Variants in BMPR1B observed in about 807,000 individuals in gnomAD.
BMPR1B encodes bone morphogenetic protein receptor type-1B.
Under a neutral mutation model 59.1 loss-of-function variants are expected in BMPR1B, and 12 were observed. That is an observed-to-expected ratio of 0.20 (90% CI 0.13 to 0.33). The LOEUF is 0.33. Ranked by LOEUF, BMPR1B falls within the 10% of genes least tolerant of loss-of-function variation. The pLI, the probability that BMPR1B is intolerant of heterozygous loss-of-function variation, is 1.00. For missense variants in BMPR1B, 550 were observed against 610.9 expected, an observed-to-expected ratio of 0.90 and a Z score of 1.05; for synonymous variants, 237 against 207.3, an observed-to-expected ratio of 1.14 and a Z score of -1.23.
intron 1 of BMPR1B, among the ~76,000 whole-genome samples, chr4:94,840,836 G>C (rs1392628957): frequency 6.7e-6 from 1 of 148,496 alleles, no homozygotes; most frequent in African/African-American, 2.5e-5. Flanking sequence ...GAGGAGAGGC[G>C]CTCTGCTTTT....
chr4:95,087,559 C>T (rs562494650), intron 3 of BMPR1B, among the ~76,000 whole-genome samples: 5 of 151,998 alleles, frequency 3.3e-5, no homozygotes, highest in Admixed American at 1.3e-4. Flanking sequence ...GGCGAAATGC[C>T]GTCTCTACAA....
At chr4:94,803,409 T>C (rs1035522373) in intron 1 of BMPR1B, among the ~76,000 whole-genome samples, 2 of 152,162 alleles carry the variant, frequency 1.3e-5, no homozygotes, top group Non-Finnish European at 2.9e-5. Flanking sequence ...CCCCCAGTGT[T>C]AGGGGTAGCC....
intron 11 of BMPR1B, among the ~76,000 whole-genome samples, chr4:95,149,921 A>C (rs975737240): frequency 2.0e-5 from 3 of 152,218 alleles, no homozygotes; most frequent in Non-Finnish European, 4.4e-5. Context: ...TATGGTTTCA[A>C]TGTAAAGATA....
intron 1 of BMPR1B, among the ~76,000 whole-genome samples, chr4:94,768,037 TA>T (rs36055467): frequency 1.7e-4 from 25 of 146,656 alleles, no homozygotes; most frequent in Middle Eastern, 3.5e-3. Flanking sequence ...TGACACTTAC[TA>T]AAAAAAAAAG....
chr4:94,961,073 G>A (rs1437280134), intron 2 of BMPR1B, among the ~76,000 whole-genome samples: 19 of 151,982 alleles, frequency 1.3e-4, no homozygotes, highest in Admixed American at 1.2e-3. Context: ...GTTATCTGTG[G>A]ATTTTGTTTA....
chr4:95,044,607 C>T (rs1578983372), intron 3 of BMPR1B, among the ~76,000 whole-genome samples: 1 of 152,132 alleles, frequency 6.6e-6, no homozygotes. Flanking sequence ...AGGACCTTGG[C>T]AGAGCAATGA....
At position 95,023,353 on chromosome 4, in the gene BMPR1B, C is replaced by T. The variant is rs539704041; in HGVS notation, c.-18+27219C>T. 6.6e-5 allele frequency among the ~76,000 whole-genome samples: 10 copies of T among 152,228 alleles called. No individual in the cohort carries two copies. The East Asian group carries it at 1.9e-3, about 29-fold the overall frequency. On this transcript the variant is annotated intron_variant, in intron 3 of 12. Coordinates refer to ENST00000515059, the MANE Select transcript of BMPR1B (RefSeq NM_001203.3). ...ATTTCAGATCTAGCAGCAATGATGGCAAACCTTTAAGACTCATTTCTTTTA... is the reference window on the plus strand; with the variant it reads ...ATTTCAGATCTAGCAGCAATGATGGTAAACCTTTAAGACTCATTTCTTTTA...
chr4:95,146,625 T>G (rs2149322938), intron 10 of BMPR1B, among the ~76,000 whole-genome samples: 1 of 152,362 alleles, frequency 6.6e-6, no homozygotes, highest in South Asian at 2.1e-4. Flanking sequence ...AGTGGAGGTC[T>G]TTAACCATCT....
intron 3 of BMPR1B, among the ~76,000 whole-genome samples, chr4:95,076,527 T>C (rs1332925908): frequency 2.6e-5 from 4 of 152,058 alleles, no homozygotes; most frequent in African/African-American, 9.7e-5. Context: ...AGGCAAACTG[T>C]TCTAGGTACT....
chr4:95,097,058 T>C (rs984742566), intron 3 of BMPR1B, among the ~76,000 whole-genome samples: 1 of 145,628 alleles, frequency 6.9e-6, no homozygotes. Context: ...TAACTGTATA[T>C]AGTTATATAT....
chr4:95,148,562 G>A (rs890910045), intron 10 of BMPR1B, among the ~76,000 whole-genome samples, 186 bp from the exon 11 acceptor site: 5 of 151,940 alleles, frequency 3.3e-5, no homozygotes, highest in Non-Finnish European at 7.4e-5. Flanking sequence ...CCTTTCATTG[G>A]CTTTTAACCT....
intron 3 of BMPR1B, among the ~76,000 whole-genome samples, chr4:95,002,283 G>C (rs1477402639): frequency 1.3e-5 from 2 of 152,186 alleles, no homozygotes; most frequent in African/African-American, 4.8e-5. Context: ...ATGGCTTCCA[G>C]CTGCATCTAA....
intron 1 of BMPR1B, among the ~76,000 whole-genome samples, chr4:94,794,449 G>A (rs1250598835): frequency 6.8e-6 from 1 of 147,614 alleles, no homozygotes; most frequent in African/African-American, 2.6e-5. Context: ...AAGTCAGGTA[G>A]TGTGATGCCT....
chr4:95,077,371 T>C (rs1728788877), intron 3 of BMPR1B, among the ~76,000 whole-genome samples: 1 of 152,134 alleles, frequency 6.6e-6, no homozygotes, highest in Non-Finnish European at 1.5e-5. Flanking sequence ...TTGTGTCTAT[T>C]TTGCCAGGCT....
At chr4:95,090,889 G>T (rs1001447401) in intron 3 of BMPR1B, among the ~76,000 whole-genome samples, 1 of 151,558 alleles carries the variant, frequency 6.6e-6, no homozygotes, top group Non-Finnish European at 1.5e-5. Flanking sequence ...TTAATAAAAA[G>T]ATAGAAATAA....
chr4:94,895,891 A>G (rs1727567076), intron 2 of BMPR1B, among the ~76,000 whole-genome samples: 1 of 151,952 alleles, frequency 6.6e-6, no homozygotes, highest in African/African-American at 2.4e-5. Flanking sequence ...ATGTATGGCT[A>G]TCTTTAGGAT....
intron 2 of BMPR1B, among the ~76,000 whole-genome samples, chr4:94,942,052 C>T (rs1446296505): frequency 6.6e-6 from 1 of 152,206 alleles, no homozygotes; most frequent in Admixed American, 6.5e-5. Flanking sequence ...TAATTTGAGG[C>T]TTACCTGCAT....
rs531323880 is a variant in BMPR1B, at chr4:95,061,541, C to T, written c.-17-42867C>T. Among the ~76,000 whole-genome samples, 93 of 152,136 alleles carry T rather than the reference C, an allele frequency of 6.1e-4. 3 individuals are homozygous for T. Among genetic ancestry groups the T allele is most frequent in the African/African-American group, 2.2e-3 (90 of 41,484 alleles). On this transcript the variant is annotated intron_variant, in intron 3 of 12. Transcript: ENST00000515059. ...GTGTACAACCTAAAACAAAAAAGCACCTACATTTGAAAAAAAGACCTGGTT... is the reference window on the plus strand; with the variant it reads ...GTGTACAACCTAAAACAAAAAAGCATCTACATTTGAAAAAAAGACCTGGTT...
At chr4:94,869,465 T>C (rs1335709251) in intron 1 of BMPR1B, among the ~76,000 whole-genome samples, 1 of 152,188 alleles carries the variant, frequency 6.6e-6, no homozygotes, top group Non-Finnish European at 1.5e-5. Context: ...TATGGCCAGC[T>C]CTTTCATCTG....
Sources: allele counts gnomAD v4.1 joint callset (sites outside exome capture counted in the v4.1 genomes callset), GRCh38; gene constraint gnomAD v4.1.1; transcripts MANE v1.5; gene names NCBI Gene and HGNC (gene_info 2026-07-23, HGNC 2026-07-21).